Variants in COL24A1 observed in about 807,000 individuals in gnomAD.
COL24A1 encodes the protein collagen alpha-1(XXIV) chain.
In COL24A1, 224 loss-of-function variants were observed where a neutral mutation model predicts 253.9. The observed-to-expected ratio is 0.88, with a 90% confidence interval of 0.79 to 0.99. The LOEUF (loss-of-function observed/expected upper bound fraction) is 0.99, where lower values mean the gene tolerates loss of function less well. Ranked by LOEUF, COL24A1 falls within the 50% of genes least tolerant of loss-of-function variation. COL24A1 has a pLI of 0.00. For missense variants in COL24A1, 2,131 were observed against 2,068.5 expected (o/e 1.03, Z -0.59); for synonymous variants, 685 against 673.7 (o/e 1.02, Z -0.26).
intron 7 of COL24A1, among the ~76,000 whole-genome samples, chr1:86,064,020 G>C (rs959173688): frequency 6.6e-6 from 1 of 151,570 alleles, no homozygotes; most frequent in African/African-American, 2.4e-5. Flanking sequence ...AACTAAAATG[G>C]TAGCATAGTA....
At chr1:85,832,745 A>G (rs1462052523) in intron 43 of COL24A1, among the ~76,000 whole-genome samples, 1 of 151,342 alleles carries the variant, frequency 6.6e-6, no homozygotes, top group Non-Finnish European at 1.5e-5. Context: ...ATTGTTGTGT[A>G]AGAATGCTTG....
At chr1:86,069,946 C>A (rs188089521) in intron 7 of COL24A1, among the ~76,000 whole-genome samples, 4 of 152,164 alleles carry the variant, frequency 2.6e-5, no homozygotes, top group African/African-American at 9.7e-5. Flanking sequence ...AGTAACAACA[C>A]CACCACAAAA....
intron 43 of COL24A1, among the ~76,000 whole-genome samples, chr1:85,838,278 AATGTC>A (rs1676233698): frequency 1.3e-5 from 2 of 152,186 alleles, no homozygotes; most frequent in Non-Finnish European, 2.9e-5. Flanking sequence ...TATAGCATAA[AATGTC>A]ATGAAGGAAA....
chr1:86,126,495 C>G (rs1027837305), intron 2 of COL24A1, among the ~76,000 whole-genome samples: 10 of 152,136 alleles, frequency 6.6e-5, no homozygotes, highest in Middle Eastern at 3.4e-3. Context: ...ATTTTAGAGA[C>G]AGGGTTTCCA....
At chr1:85,773,819 G>C (rs1243984263) in intron 53 of COL24A1, among the ~76,000 whole-genome samples, 1 of 152,154 alleles carries the variant, frequency 6.6e-6, no homozygotes. Context: ...TCTGCTAATG[G>C]AGACAATTTG....
intron 24 of COL24A1, among the ~76,000 whole-genome samples, chr1:85,926,725 G>C (rs1042412213): frequency 1.3e-5 from 2 of 152,080 alleles, no homozygotes; most frequent in Non-Finnish European, 2.9e-5. Context: ...TAAATGACAA[G>C]TTAATGGGTG....
rs768237277 is a variant in COL24A1 at position 85,879,248 on chromosome 1, T to G, written c.2977-2073A>C. 3.3e-3 allele frequency among the ~76,000 whole-genome samples: 248 copies of G among 76,062 alleles called. 1 individual carries two copies. Among genetic ancestry groups the G allele is most frequent in the Middle Eastern group, 0.03 (6 of 200 alleles). The allele number at this position is 76,062 out of a possible 152,430, so 49.9% of individuals were successfully genotyped here. On this transcript the variant is annotated intron_variant, in intron 32 of 59. Coordinates refer to ENST00000370571, the MANE Select transcript of COL24A1 (RefSeq NM_152890.7). Reference sequence around the variant, plus strand: ...TTAAGTCTATGATTCATTTTGAGGGTGTGTGTGTGTGTGTGTGTGTGTGTG... The same window carrying G: ...TTAAGTCTATGATTCATTTTGAGGGGGTGTGTGTGTGTGTGTGTGTGTGTG...
intron 57 of COL24A1, 146 bp from the exon 58 acceptor site, chr1:85,737,651 C>T (rs1473518434): frequency 3.8e-6 from 2 of 526,078 alleles, no homozygotes; most frequent in Non-Finnish European, 3.3e-6. Context: ...GTAACCTCCG[C>T]TTCCTGGGTT....
intron 7 of COL24A1, among the ~76,000 whole-genome samples, chr1:86,068,213 C>T (rs1434848453): frequency 6.6e-6 from 1 of 152,190 alleles, no homozygotes; most frequent in Non-Finnish European, 1.5e-5. Context: ...AGAGCAATCA[C>T]AGTACCTGGT....
At chr1:85,888,989 G>GT (rs1365909230) in intron 32 of COL24A1, among the ~76,000 whole-genome samples, 1 of 152,068 alleles carries the variant, frequency 6.6e-6, no homozygotes, top group Non-Finnish European at 1.5e-5. Context: ...AGAATAAATT[G>GT]TAAGAAAGTA....
At chr1:85,997,470 T>C (rs1694939888) in intron 19 of COL24A1, among the ~76,000 whole-genome samples, 1 of 152,062 alleles carries the variant, frequency 6.6e-6, no homozygotes, top group Non-Finnish European at 1.5e-5. Context: ...CCTATTCCAT[T>C]GCTATTGCAA....
chr1:85,889,670 A>C, intron 31 of COL24A1, 57 bp from the exon 32 acceptor site: 2 of 1,452,736 alleles, frequency 1.4e-6, no homozygotes, highest in Middle Eastern at 1.7e-4. Flanking sequence ...TGTTTTAGAC[A>C]CTTTCCTTAC....
chr1:85,945,696 C>A (rs1689263915), intron 24 of COL24A1, among the ~76,000 whole-genome samples: 1 of 148,794 alleles, frequency 6.7e-6, no homozygotes, highest in Non-Finnish European at 1.5e-5. Flanking sequence ...TCAGGTGGTT[C>A]TGGATTTTAA....
chr1:85,999,674 G>GA (rs200218990), intron 19 of COL24A1, among the ~76,000 whole-genome samples: 2,591 of 151,204 alleles, frequency 0.017, 42 homozygotes, highest in Non-Finnish European at 0.027. Context: ...GAAAAGAAAA[G>GA]AAAAAAAAGA....
At chr1:86,037,909 T>C (rs1369290949) in intron 12 of COL24A1, among the ~76,000 whole-genome samples, 1 of 152,136 alleles carries the variant, frequency 6.6e-6, no homozygotes, top group Non-Finnish European at 1.5e-5. Flanking sequence ...ACTTAGATCA[T>C]CTCTGAAGAT....
intron 52 of COL24A1, among the ~76,000 whole-genome samples, chr1:85,780,132 C>T (rs543566521): frequency 2.6e-5 from 4 of 152,212 alleles, no homozygotes; most frequent in South Asian, 2.1e-4. Flanking sequence ...TATATAGCTC[C>T]GAGTGGCAAA....
At chr1:86,063,461 A>G (rs1330607618) in intron 8 of COL24A1, among the ~76,000 whole-genome samples, 1 of 152,038 alleles carries the variant, frequency 6.6e-6, no homozygotes, top group Non-Finnish European at 1.5e-5. Flanking sequence ...TCTGTGAACT[A>G]CAGAAGTTTA....
intron 57 of COL24A1, among the ~76,000 whole-genome samples, chr1:85,741,480 C>A (rs1664636800): frequency 1.3e-5 from 2 of 152,184 alleles, no homozygotes; most frequent in African/African-American, 4.8e-5. Context: ...TGATGTGAAG[C>A]AAAGCTACAG....
At chr1:85,740,134 A>G (rs575537132) in intron 57 of COL24A1, among the ~76,000 whole-genome samples, 1 of 152,234 alleles carries the variant, frequency 6.6e-6, no homozygotes, top group African/African-American at 2.4e-5. Context: ...AATCCTACGT[A>G]AGTTTCTCCC....
Sources: allele counts gnomAD v4.1 joint callset (sites outside exome capture counted in the v4.1 genomes callset), GRCh38; gene constraint gnomAD v4.1.1; transcripts MANE v1.5; gene names NCBI Gene and HGNC (gene_info 2026-07-23, HGNC 2026-07-21).